SASH1: variants seen among roughly 807,000 people sequenced by gnomAD.
SASH1 encodes the protein SAM and SH3 domain-containing protein 1.
A neutral mutation model predicts 125.2 loss-of-function variants in SASH1; 44 were observed. The observed-to-expected ratio is 0.35, with a 90% CI of 0.28 to 0.45. The LOEUF (loss-of-function observed/expected upper bound fraction) is 0.45. Ranked by LOEUF, SASH1 falls within the 20% of genes least tolerant of loss-of-function variation. The pLI is 1.00. For synonymous variants in SASH1, 639 were observed against 649.1 expected (o/e 0.98, Z 0.24); for missense variants, 1,426 against 1,614.5 (o/e 0.88, Z 2.00).
chr6:148,387,626 T>TCTCTCTCTC (rs1783488476), intron 1 of SASH1, among the ~76,000 whole-genome samples: 1 of 40,142 alleles, frequency 2.5e-5, no homozygotes, highest in Non-Finnish European at 5.3e-5. Flanking sequence ...CTTTCTTTCT[T>TCTCTCTCTC]TCTTTCTTTC....
At chr6:148,354,957 C>T (rs1781872415) in intron 1 of SASH1, among the ~76,000 whole-genome samples, 1 of 152,158 alleles carries the variant, frequency 6.6e-6, no homozygotes, top group Non-Finnish European at 1.5e-5. Context: ...TGGGGTTTCA[C>T]CATGTTGGCC....
In SASH1 at chr6:148,540,463, T is replaced by C; in HGVS notation, c.2116T>C (p.Ser706Pro). 1 of 1,613,966 alleles carries C rather than the reference T, an allele frequency of 6.2e-7. No individual in the cohort carries two copies. Among genetic ancestry groups the C allele is most frequent in the Non-Finnish European group, 8.5e-7 (1 of 1,179,928 alleles). ...EYDSNSDQSG[S>P]QEKLLVDSQG... ...TCTAGGTAACAGCGACCAGTCAGGA[T>C]CCCAGGAGAAGCTGCTCGTTGACAG... The change falls in exon 17 of 20, where the codon TCC (serine) becomes CCC (proline). Residue 706 changes from serine (S) to proline (P), a missense_variant. By Grantham distance (74) the Ser-to-Pro change is moderately conservative. Transcript: ENST00000367467.
chr6:148,220,973 T>A, the SASH1 span, among the ~76,000 whole-genome samples: 29 of 152,178 alleles, frequency 1.9e-4, no homozygotes, highest in African/African-American at 7.0e-4. Flanking sequence ...TTCTGCATAG[T>A]TCATCATTAA....
At chr6:148,333,016 A>G (rs1035391002) in intron 1 of SASH1, among the ~76,000 whole-genome samples, 19 of 152,072 alleles carry the variant, frequency 1.2e-4, no homozygotes, top group African/African-American at 4.3e-4. Context: ...AAAAATAAAA[A>G]CAATCTGCTG....
intron 1 of SASH1, among the ~76,000 whole-genome samples, chr6:148,274,713 TATTTTA>T (rs1418776773): frequency 6.6e-6 from 1 of 152,194 alleles, no homozygotes; most frequent in Non-Finnish European, 1.5e-5. Context: ...GTATATGTCT[TATTTTA>T]ACTAACCTAA....
intron 10 of SASH1, chr6:148,524,340 T>TTTA (rs1377936449): frequency 6.6e-6 from 1 of 151,820 alleles, no homozygotes. Flanking sequence ...CAATTAAACT[T>TTTA]TTATTACTGA....
At chr6:148,276,897 C>T (rs1316161259) in intron 1 of SASH1, among the ~76,000 whole-genome samples, 1 of 151,978 alleles carries the variant, frequency 6.6e-6, no homozygotes, top group Non-Finnish European at 1.5e-5. Flanking sequence ...CAAGCCTGGG[C>T]AATGTAGCAA....
At chr6:148,320,773 C>G (rs1370920899) in intron 1 of SASH1, among the ~76,000 whole-genome samples, 3 of 152,190 alleles carry the variant, frequency 2.0e-5, no homozygotes, top group Non-Finnish European at 4.4e-5. Flanking sequence ...CGTGAGCCAC[C>G]GTACCCAGAC....
intron 1 of SASH1, among the ~76,000 whole-genome samples, chr6:148,321,038 T>A (rs1189172622): frequency 1.3e-5 from 2 of 152,208 alleles, no homozygotes; most frequent in Admixed American, 6.5e-5. Flanking sequence ...TGTGCGTTCC[T>A]TTATCACACA....
At chr6:148,260,196 G>A in the SASH1 span, among the ~76,000 whole-genome samples, 17 of 152,082 alleles carry the variant, frequency 1.1e-4, no homozygotes, top group Non-Finnish European at 2.5e-4. Context: ...AATACTAAAA[G>A]AACAGAGGTC....
the SASH1 span, among the ~76,000 whole-genome samples, chr6:148,242,702 C>T: frequency 6.6e-6 from 1 of 152,126 alleles, no homozygotes; most frequent in African/African-American, 2.4e-5. Context: ...AAATACATAT[C>T]GCAATTTATT....
the SASH1 span, among the ~76,000 whole-genome samples, chr6:148,245,960 G>A: frequency 6.6e-6 from 1 of 151,172 alleles, no homozygotes; most frequent in South Asian, 2.1e-4. Flanking sequence ...TCCAGCCTGG[G>A]CGACAGAACC....
chr6:148,272,911 G>A (rs1253628491), intron 1 of SASH1, among the ~76,000 whole-genome samples: 11 of 152,094 alleles, frequency 7.2e-5, no homozygotes, highest in African/African-American at 2.7e-4. Context: ...CGTCTTCTCT[G>A]TGGAAATCGT....
chr6:148,546,188 G>T, intron 19 of SASH1, 42 bp downstream of exon 19: 1 of 1,603,964 alleles, frequency 6.2e-7, no homozygotes, highest in Non-Finnish European at 8.5e-7. Flanking sequence ...GGCACATTTA[G>T]TGATCACGCT....
At chr6:148,474,313 G>T in intron 7 of SASH1, 91 bp downstream of exon 7, 1 of 693,656 alleles carries the variant, frequency 1.4e-6, no homozygotes, top group Non-Finnish European at 2.5e-6. Context: ...ATAGGAATCA[G>T]GTACCCATGT....
the SASH1 span, among the ~76,000 whole-genome samples, chr6:148,223,837 C>T: frequency 6.6e-6 from 1 of 152,176 alleles, no homozygotes. Context: ...GGTAGACCCA[C>T]AAAACATTCT....
At chr6:148,407,521 A>G (rs962892240) in intron 2 of SASH1, among the ~76,000 whole-genome samples, 3 of 152,184 alleles carry the variant, frequency 2.0e-5, no homozygotes, top group Non-Finnish European at 4.4e-5. Flanking sequence ...ATTGTGAGTA[A>G]TGCTGCTATG....
At chr6:148,342,470 A>G (rs1264544330), upstream of SASH1, 1 of 152,194 alleles carries the variant, frequency 6.6e-6, no homozygotes, top group Non-Finnish European at 1.5e-5. Context: ...CTCTTTCAAC[A>G]GGCGATTTGT....
At chr6:148,408,131 G>T (rs1465774709) in intron 2 of SASH1, among the ~76,000 whole-genome samples, 1 of 147,608 alleles carries the variant, frequency 6.8e-6, no homozygotes, top group Non-Finnish European at 1.5e-5. Flanking sequence ...GTGATGTTGG[G>T]CATCTTTCCT....
Sources: allele counts gnomAD v4.1 joint callset (sites outside exome capture counted in the v4.1 genomes callset), GRCh38; gene constraint gnomAD v4.1.1; transcripts MANE v1.5; gene names NCBI Gene and HGNC (gene_info 2026-07-23, HGNC 2026-07-21).